The following TRPM3 variants were observed in gnomAD, a reference collection of about 807,000 sequenced individuals.
The protein encoded by TRPM3 is transient receptor potential cation channel subfamily M member 3.
A neutral mutation model predicts 181.2 loss-of-function variants in TRPM3; 77 were observed. The ratio of observed to expected loss-of-function variants is 0.42; its 90% confidence interval spans 0.35 to 0.51. The LOEUF is 0.51. Among genes scored for constraint, TRPM3 ranks in the 20% least tolerant of loss-of-function variants. The probability of loss-of-function intolerance (pLI) is 0.01; values close to 1 mark genes in which losing one functional copy is unlikely to be tolerated. For synonymous variants in TRPM3, 745 were observed against 796.4 expected (o/e 0.94, Z 1.09); for missense variants, 1,759 against 2,196.7 (o/e 0.80, Z 3.98).
intron 1 of TRPM3, among the ~76,000 whole-genome samples, chr9:71,162,187 A>T (rs185612750): frequency 0.017 from 2,190 of 127,956 alleles, 28 homozygotes; most frequent in Non-Finnish European, 0.022. Flanking sequence ...GTGACAGAGC[A>T]TGACTCTGTC....
At chr9:70,659,696 T>G (rs1286734412) in intron 9 of TRPM3, among the ~76,000 whole-genome samples, 1 of 152,190 alleles carries the variant, frequency 6.6e-6, no homozygotes, top group Admixed American at 6.5e-5. Flanking sequence ...TTTTCTACAA[T>G]TTGGACTGAA....
intron 1 of TRPM3, among the ~76,000 whole-genome samples, chr9:70,980,187 G>T (rs2134012799): frequency 6.6e-6 from 1 of 152,146 alleles, no homozygotes; most frequent in Non-Finnish European, 1.5e-5. Flanking sequence ...GCGTTGTGGT[G>T]CCAACCGTCT....
At chr9:71,017,809 TAA>T (rs2097796663) in intron 1 of TRPM3, among the ~76,000 whole-genome samples, 1 of 151,600 alleles carries the variant, frequency 6.6e-6, no homozygotes, top group Non-Finnish European at 1.5e-5. Flanking sequence ...ACAAAAAACA[TAA>T]AAAATAAGCA....
chr9:71,434,058 C>A (rs1357396504), intron 1 of TRPM3, among the ~76,000 whole-genome samples: 1 of 152,108 alleles, frequency 6.6e-6, no homozygotes, highest in East Asian at 1.9e-4. Context: ...ACTCAGGAGG[C>A]TCAGGCAGGA....
At chr9:70,684,042 C>CA (rs979665630) in intron 8 of TRPM3, among the ~76,000 whole-genome samples, 1 of 152,182 alleles carries the variant, frequency 6.6e-6, no homozygotes, top group Non-Finnish European at 1.5e-5. Flanking sequence ...AATTAGGCAT[C>CA]AAATGGAATT....
chr9:70,832,224 A>G (rs939365708), intron 5 of TRPM3, among the ~76,000 whole-genome samples: 7 of 150,346 alleles, frequency 4.7e-5, no homozygotes, highest in Non-Finnish European at 1.0e-4. Flanking sequence ...GCGCACCAGC[A>G]TGGCACATGT....
rs1587986071 is a variant in TRPM3 at position 70,761,345 on chromosome 9, GCAGT to G, written c.1272+252_1272+255del. The G allele has an allele frequency of 9.5e-6, 6 of 629,212 alleles. No individual in the cohort carries two copies. In the East Asian group the frequency reaches 1.6e-4, roughly 17 times the overall value. 39.0% of individuals were successfully genotyped at this position (629,212 alleles called of 1,614,324 possible). A position where few individuals can be genotyped will look rare whatever the true frequency, so the allele number is the denominator to read the frequency against. ...TATCACTTCAACTCATTTTGTTGAG[GCAGT>G]CAGAGCGTTTGGATGAGCTCCAAAA... On this transcript the variant is annotated intron_variant, in intron 8 of 25. Coordinates refer to ENST00000677713, the MANE Select transcript of TRPM3 (RefSeq NM_001366145.2).
At chr9:70,928,161 T>C (rs1241610516) in intron 1 of TRPM3, among the ~76,000 whole-genome samples, 1 of 152,142 alleles carries the variant, frequency 6.6e-6, no homozygotes, top group Non-Finnish European at 1.5e-5. Flanking sequence ...TTCCGTGACT[T>C]ATGAAGTGGG....
chr9:71,066,559 G>A (rs2061949193), intron 1 of TRPM3, among the ~76,000 whole-genome samples: 1 of 151,670 alleles, frequency 6.6e-6, no homozygotes, highest in South Asian at 2.1e-4. Context: ...ATACTGTTTT[G>A]CAACAGCTTA....
At chr9:70,765,361 C>T (rs190582715) in intron 7 of TRPM3, among the ~76,000 whole-genome samples, 11 of 152,120 alleles carry the variant, frequency 7.2e-5, no homozygotes, top group East Asian at 5.8e-4. Context: ...AAGCCAGAGG[C>T]GGGTGGATCA....
chr9:71,416,604 A>G (rs971554014), intron 1 of TRPM3, among the ~76,000 whole-genome samples: 1 of 152,000 alleles, frequency 6.6e-6, no homozygotes, highest in African/African-American at 2.4e-5. Context: ...ATAACCAGTA[A>G]AATGCCTTAT....
chr9:70,895,019 T>A (rs2096262890), intron 1 of TRPM3, among the ~76,000 whole-genome samples: 1 of 152,186 alleles, frequency 6.6e-6, no homozygotes, highest in African/African-American at 2.4e-5. Flanking sequence ...TAAGAGCTTG[T>A]ATTTCTTCAT....
chr9:71,156,511 T>C (rs1394041786), intron 1 of TRPM3, among the ~76,000 whole-genome samples: 1 of 151,950 alleles, frequency 6.6e-6, no homozygotes, highest in Non-Finnish European at 1.5e-5. Flanking sequence ...GGTCTTTTCA[T>C]CTACTTTTTA....
intron 8 of TRPM3, among the ~76,000 whole-genome samples, chr9:70,741,505 A>G (rs986162106): frequency 6.6e-6 from 1 of 152,208 alleles, no homozygotes; most frequent in African/African-American, 2.4e-5. Context: ...TATACAAAAA[A>G]AGATACCTGC....
At chr9:70,580,274 C>T (rs1230978116) in intron 22 of TRPM3, among the ~76,000 whole-genome samples, 1 of 152,156 alleles carries the variant, frequency 6.6e-6, no homozygotes, top group African/African-American at 2.4e-5. Context: ...AAAAGGGGCT[C>T]CACACAAGGC....
At chr9:71,407,258 C>G (rs758799196) in intron 1 of TRPM3, among the ~76,000 whole-genome samples, 2 of 152,116 alleles carry the variant, frequency 1.3e-5, no homozygotes, top group African/African-American at 4.8e-5. Context: ...GAAGTGTGAG[C>G]TGAAGCACAG....
At chr9:71,004,884 C>T (rs985259363) in intron 1 of TRPM3, among the ~76,000 whole-genome samples, 1 of 151,848 alleles carries the variant, frequency 6.6e-6, no homozygotes, top group Non-Finnish European at 1.5e-5. Flanking sequence ...AAAGAATGAA[C>T]AATCTTGAAG....
At chr9:71,210,197 C>A (rs186144316) in intron 1 of TRPM3, among the ~76,000 whole-genome samples, 2 of 152,122 alleles carry the variant, frequency 1.3e-5, no homozygotes, top group Admixed American at 6.5e-5. Context: ...GTGAACTATA[C>A]ATGTGAGGGA....
chr9:71,164,275 G>A (rs752444018), intron 1 of TRPM3, among the ~76,000 whole-genome samples: 2 of 152,156 alleles, frequency 1.3e-5, no homozygotes, highest in South Asian at 2.1e-4. Flanking sequence ...AATGGTTCAC[G>A]GAAATTTGTT....
Sources: gnomAD v4.1 joint callset for allele counts (sites outside exome capture counted in the v4.1 genomes callset) on GRCh38, gnomAD v4.1.1 for gene constraint, MANE v1.5 for transcripts, NCBI Gene and HGNC (gene_info 2026-07-23, HGNC 2026-07-21) for gene names.